Variants in CCDC13 observed in about 807,000 individuals in gnomAD.
The protein encoded by CCDC13 is coiled-coil domain containing 13, also known as coiled-coil domain-containing protein 13.
CCDC13 carries 70 observed loss-of-function variants against 87.3 expected under a neutral mutation model. The observed-to-expected ratio is 0.80, with a 90% CI of 0.66 to 0.98. CCDC13 has a LOEUF of 0.98. CCDC13 is among the 50% of genes least tolerant of loss of function. The probability of loss-of-function intolerance (pLI) is 0.00; values close to 1 mark genes in which losing one functional copy is unlikely to be tolerated. For missense variants in CCDC13, 842 were observed against 892.0 expected, an observed-to-expected ratio of 0.94 and a Z score of 0.71; for synonymous variants, 317 against 360.3, an observed-to-expected ratio of 0.88 and a Z score of 1.36.
At chr3:42,716,315 G>T (rs1029514283) in intron 13 of CCDC13, among the ~76,000 whole-genome samples, 7 of 151,518 alleles carry the variant, frequency 4.6e-5, no homozygotes, top group African/African-American at 1.7e-4. Context: ...AATGATTTTT[G>T]CTATTCTGAC....
At chr3:42,715,454 A>G (rs1007697114) in intron 13 of CCDC13, among the ~76,000 whole-genome samples, 1 of 152,110 alleles carries the variant, frequency 6.6e-6, no homozygotes, top group Non-Finnish European at 1.5e-5. Context: ...ACAACAAAAA[A>G]TACAAAAATA....
At chr3:42,718,948 G>A (rs921533748) in intron 13 of CCDC13, 3 of 148,934 alleles carry the variant, frequency 2.0e-5, no homozygotes, top group Admixed American at 6.7e-5. Context: ...GTGGGTCAGA[G>A]GCCCCTCTTA....
intron 3 of CCDC13, among the ~76,000 whole-genome samples, chr3:42,755,234 C>G (rs1699680110): frequency 6.6e-6 from 1 of 151,812 alleles, no homozygotes; most frequent in Admixed American, 6.6e-5. Flanking sequence ...CAAACAAAAC[C>G]CAAAGGAATC....
chr3:42,772,410 C>G (rs1024177179), intron 1 of CCDC13, among the ~76,000 whole-genome samples: 2 of 151,952 alleles, frequency 1.3e-5, no homozygotes, highest in Non-Finnish European at 2.9e-5. Flanking sequence ...TATGAGGAAG[C>G]AAGATCCCAC....
chr3:42,710,678 C>A (rs1279059417), intron 14 of CCDC13, among the ~76,000 whole-genome samples: 1 of 152,050 alleles, frequency 6.6e-6, no homozygotes, highest in East Asian at 1.9e-4. Flanking sequence ...ACTAAAAATA[C>A]ATAAAAATTA....
At chr3:42,712,035 G>A (rs908372652) in intron 14 of CCDC13, among the ~76,000 whole-genome samples, 14 of 152,162 alleles carry the variant, frequency 9.2e-5, no homozygotes, top group East Asian at 3.9e-4. Context: ...CTTCCTTCCC[G>A]GCCTGGATTC....
At chr3:42,773,022 G>A (rs1339058079) in intron 1 of CCDC13, among the ~76,000 whole-genome samples, 154 bp downstream of exon 1, 2 of 152,224 alleles carry the variant, frequency 1.3e-5, no homozygotes, top group Non-Finnish European at 2.9e-5. Context: ...GGACGAAGGG[G>A]AAGAGTCCTC....
At chr3:42,771,909 G>A (rs1700124497) in intron 1 of CCDC13, among the ~76,000 whole-genome samples, 2 of 152,146 alleles carry the variant, frequency 1.3e-5, no homozygotes, top group Admixed American at 6.5e-5. Context: ...ATGGGAATAC[G>A]GAATACATAA....
At chr3:42,722,813 T>C (rs1698596168) in intron 13 of CCDC13, among the ~76,000 whole-genome samples, 1 of 147,524 alleles carries the variant, frequency 6.8e-6, no homozygotes, top group African/African-American at 2.5e-5. Context: ...TTTTTTTTTT[T>C]TGGAGACGAG....
chr3:42,743,047 A>G lies in CCDC13; in HGVS notation c.836T>C (p.Leu279Pro). Reference protein sequence around the residue: ...ILVLQSKVQELEKQLGQARSQ... With the variant: ...ILVLQSKVQEPEKQLGQARSQ... ...CCGGGCCTGGCCCAATTGCTTCTCA[A>G]GCTCTTGAACCTGAGGATGGTAAAA... Residue 279 changes from leucine (L) to proline (P), a missense_variant, in exon 8 of 16, where the codon CTT becomes CCT. By Grantham distance (98) the Leu-to-Pro change is moderately conservative. Coordinates refer to ENST00000310232, the MANE Select transcript of CCDC13 (RefSeq NM_144719.4). The G allele has an allele frequency of 6.2e-7, 1 of 1,614,002 alleles. No individual in the cohort carries two copies. Among genetic ancestry groups the G allele is most frequent in the South Asian group, 1.1e-5 (1 of 91,048 alleles).
intron 7 of CCDC13, chr3:42,745,203 CAT>C (rs1339348517): frequency 2.0e-5 from 3 of 152,232 alleles, no homozygotes; most frequent in South Asian, 2.1e-4. Flanking sequence ...CACCTTCTCA[CAT>C]GTTTCTCAGT....
chr3:42,743,384 ATATTTATTTATTTATT>A lies in CCDC13; in HGVS notation c.826-343_826-328del, dbSNP rs66840281. Among the ~76,000 whole-genome samples, 173 of 131,780 alleles carry A rather than the reference ATATTTATTTATTTATT, an allele frequency of 1.3e-3. 1 individual carries two copies. The highest frequency in any genetic ancestry group is 3.4e-3 in the Admixed American group (43 of 12,810). 86.5% of individuals were successfully genotyped at this position (131,780 alleles called of 152,430 possible). A position where few individuals can be genotyped will look rare whatever the true frequency, so the allele number is the denominator to read the frequency against. ...ATGGCAGGTCTCAGTTCAAGAAAGA[ATATTTATTTATTTATT>A]TATTTATTTATTTATTTATTTATTT... On this transcript the variant is annotated intron_variant, in intron 7 of 15. Transcript: ENST00000310232.
chr3:42,730,666 G>T, intron 12 of CCDC13, 77 bp from the exon 13 acceptor site: 1 of 1,561,212 alleles, frequency 6.4e-7, no homozygotes, highest in East Asian at 2.3e-5. Flanking sequence ...GATGGTTGGA[G>T]GGACTAGAAG....
intron 13 of CCDC13, among the ~76,000 whole-genome samples, chr3:42,726,801 C>T (rs556617055): frequency 3.2e-4 from 48 of 151,668 alleles, no homozygotes; most frequent in African/African-American, 1.0e-3. Flanking sequence ...TACATATATA[C>T]ATATGTGTGT....
rs1236378557 is a variant in CCDC13 at position 42,709,064 on chromosome 3, G to A, written c.2064C>T (p.Asp688=). ...CCAGGATCTCATGGTACATCCGGAAGTCCTCCTCCTTTCCCCGCAGGGCAC... is the reference window on the plus strand; with the variant it reads ...CCAGGATCTCATGGTACATCCGGAAATCCTCCTCCTTTCCCCGCAGGGCAC... The part of the protein sequence containing the change: ...LGSALRGKEE[D]FRMYHEILGQ... Residue 688 remains aspartate (D), a synonymous_variant, in exon 16 of 16, where the codon GAC becomes GAT. Coordinates refer to ENST00000310232, the MANE Select transcript of CCDC13 (RefSeq NM_144719.4). The A allele has an allele frequency of 6.2e-7, 1 of 1,614,094 alleles. No individual in the cohort carries two copies. The highest frequency in any genetic ancestry group is 1.1e-5 in the South Asian group (1 of 91,064).
chr3:42,771,247 T>C (rs935548663), intron 1 of CCDC13, among the ~76,000 whole-genome samples: 1 of 152,202 alleles, frequency 6.6e-6, no homozygotes, highest in African/African-American at 2.4e-5. Flanking sequence ...TATAATATTC[T>C]GAAAAAGGCA....
In CCDC13 at chr3:42,747,998, A is replaced by G. The variant is rs145168250; in HGVS notation, c.604-625T>C. ...CTGAATAGAAATAAGGACCCATTTTAATTTCCAAATGCTCATCTCTGTGGC... is the reference window on the plus strand; with the variant it reads ...CTGAATAGAAATAAGGACCCATTTTGATTTCCAAATGCTCATCTCTGTGGC... On this transcript the variant is annotated intron_variant, in intron 5 of 15. Transcript: ENST00000310232. 5.4e-3 allele frequency among the ~76,000 whole-genome samples: 817 copies of G among 152,048 alleles called. 12 individuals are homozygous for G. Among genetic ancestry groups the G allele is most frequent in the African/African-American group, 0.019 (784 of 41,440 alleles).
At chr3:42,752,237 TAAA>T (rs1423543368) in intron 4 of CCDC13, among the ~76,000 whole-genome samples, 1 of 152,096 alleles carries the variant, frequency 6.6e-6, no homozygotes, top group African/African-American at 2.4e-5. Flanking sequence ...AATCGTACTA[TAAA>T]AGTAGCCCAA....
At chr3:42,764,989 T>C (rs967516135) in intron 1 of CCDC13, among the ~76,000 whole-genome samples, 4 of 152,222 alleles carry the variant, frequency 2.6e-5, no homozygotes, top group African/African-American at 9.6e-5. Context: ...ATTTGTAGAA[T>C]TGTCACTGAA....
Sources: gnomAD v4.1 joint callset for allele counts (sites outside exome capture counted in the v4.1 genomes callset) on GRCh38, gnomAD v4.1.1 for gene constraint, MANE v1.5 for transcripts, NCBI Gene and HGNC (gene_info 2026-07-23, HGNC 2026-07-21) for gene names.